The following ACTN2 variants were observed in gnomAD, a reference collection of about 807,000 sequenced individuals.
ACTN2 encodes the protein actinin alpha 2.
In ACTN2, 39 loss-of-function variants were observed where a neutral mutation model predicts 113.8. That is an observed-to-expected ratio of 0.34 (90% confidence interval 0.27 to 0.45). ACTN2 has a LOEUF of 0.45. Ranked by LOEUF, ACTN2 falls within the 20% of genes least tolerant of loss-of-function variation. The probability of loss-of-function intolerance (pLI) is 1.00; values close to 1 mark genes in which losing one functional copy is unlikely to be tolerated. For missense variants in ACTN2, 992 were observed against 1,177.9 expected, an observed-to-expected ratio of 0.84 and a Z score of 2.31; for synonymous variants, 429 against 444.1, an observed-to-expected ratio of 0.97 and a Z score of 0.43.
rs758392680 is a variant in ACTN2 at position 236,725,891 on chromosome 1, C to T, written c.449-42C>T. 23 of 1,569,980 alleles carry T rather than the reference C, an allele frequency of 1.5e-5. No individual in the cohort carries two copies. The African/African-American group carries it at 1.5e-4, about 10-fold the overall frequency. Reference sequence around the variant, plus strand: ...GTGACTAGGAGCTAAGTGAACTAAGCGGCATTTCCCTGGGGCCACTTTTTC... The same window carrying T: ...GTGACTAGGAGCTAAGTGAACTAAGTGGCATTTCCCTGGGGCCACTTTTTC... On this transcript the variant is annotated intron_variant, in intron 4 of 20. Coordinates refer to ENST00000366578, the MANE Select transcript of ACTN2 (RefSeq NM_001103.4).
chr1:236,732,585 G>A (rs1658744081), intron 7 of ACTN2, among the ~76,000 whole-genome samples: 1 of 151,988 alleles, frequency 6.6e-6, no homozygotes, highest in Non-Finnish European at 1.5e-5. Flanking sequence ...TGGGATTACA[G>A]GCATGCACCA....
intron 17 of ACTN2, among the ~76,000 whole-genome samples, 155 bp from the exon 18 acceptor site, chr1:236,757,331 A>G (rs943208512): frequency 2.0e-5 from 3 of 152,236 alleles, no homozygotes; most frequent in Admixed American, 2.0e-4. Flanking sequence ...CTTGCAACAG[A>G]TGACAAAGTA....
Position 236,739,307 on chromosome 1 carries a change from G to T in ACTN2, c.882G>T (p.Leu294Phe). The T allele has an allele frequency of 1.2e-6, 2 of 1,613,988 alleles. No individual in the cohort carries two copies. ...EEYERLASEL[L>F]EWIRRTIPWL... ...TTTTTGTGTTTGCGGAGCAGCTTTT[G>T]GAATGGATTCGTCGCACGATCCCCT... Residue 294 changes from leucine (L) to phenylalanine (F), a missense_variant, in exon 10 of 21, where the codon TTG becomes TTT. Leu to Phe is a conservative substitution (Grantham distance 22, BLOSUM62 0). Coordinates refer to ENST00000366578, the MANE Select transcript of ACTN2 (RefSeq NM_001103.4).
intron 1 of ACTN2, among the ~76,000 whole-genome samples, chr1:236,687,402 T>A (rs1328092641): frequency 6.6e-6 from 1 of 152,172 alleles, no homozygotes; most frequent in Admixed American, 6.5e-5. Context: ...AAAAGCTCCC[T>A]CCCCATTTTG....
At chr1:236,708,714 G>C (rs929829643) in intron 1 of ACTN2, among the ~76,000 whole-genome samples, 2 of 152,176 alleles carry the variant, frequency 1.3e-5, no homozygotes, top group Non-Finnish European at 2.9e-5. Flanking sequence ...TTGCTGGCTG[G>C]GGGGATTGAG....
intron 10 of ACTN2, among the ~76,000 whole-genome samples, chr1:236,741,747 T>A (rs562159828): frequency 1.3e-5 from 2 of 152,238 alleles, no homozygotes; most frequent in African/African-American, 4.8e-5. Flanking sequence ...GTTCTTCTTT[T>A]TCTTTTGCCC....
intron 1 of ACTN2, among the ~76,000 whole-genome samples, chr1:236,704,480 C>G (rs925533138): frequency 2.0e-5 from 3 of 152,142 alleles, no homozygotes; most frequent in Non-Finnish European, 2.9e-5. Flanking sequence ...AGACTGCCCC[C>G]CTTCAGACAC....
intron 10 of ACTN2, among the ~76,000 whole-genome samples, chr1:236,741,949 A>G (rs953714541): frequency 6.6e-6 from 1 of 151,998 alleles, no homozygotes; most frequent in Non-Finnish European, 1.5e-5. Context: ...GAGGCACTCC[A>G]CCGCTGCCAC....
intron 6 of ACTN2, among the ~76,000 whole-genome samples, chr1:236,728,757 G>A (rs899551876): frequency 6.6e-6 from 1 of 152,020 alleles, no homozygotes; most frequent in African/African-American, 2.4e-5. Context: ...GGCCGGATGT[G>A]GTGGCTCACA....
At chr1:236,703,031 T>A (rs1657722176) in intron 1 of ACTN2, among the ~76,000 whole-genome samples, 1 of 152,176 alleles carries the variant, frequency 6.6e-6, no homozygotes, top group Admixed American at 6.5e-5. Context: ...AGGAGAATCA[T>A]CAGTGTGCTT....
chr1:236,712,522 A>G (rs1314487397), intron 1 of ACTN2, among the ~76,000 whole-genome samples: 2 of 152,202 alleles, frequency 1.3e-5, no homozygotes, highest in East Asian at 1.9e-4. Context: ...CCTTCATTGT[A>G]TATATATCTA....
chr1:236,691,713 A>G (rs1032938893), intron 1 of ACTN2, among the ~76,000 whole-genome samples: 2 of 152,206 alleles, frequency 1.3e-5, no homozygotes, highest in African/African-American at 4.8e-5. Flanking sequence ...GCCCTTTTAC[A>G]TCCCTTCACT....
At chr1:236,719,688 A>C (rs1658325658) in intron 3 of ACTN2, among the ~76,000 whole-genome samples, 1 of 151,878 alleles carries the variant, frequency 6.6e-6, no homozygotes, top group South Asian at 2.1e-4. Context: ...AGTCCCAGCT[A>C]CTCAGGAGGT....
intron 1 of ACTN2, among the ~76,000 whole-genome samples, chr1:236,690,234 C>T (rs900619025): frequency 3.9e-5 from 6 of 152,146 alleles, no homozygotes; most frequent in Admixed American, 2.6e-4. Flanking sequence ...CCACAGGGTT[C>T]GGATTAAATA....
At chr1:236,721,629 A>G (rs1377904631) in intron 4 of ACTN2, among the ~76,000 whole-genome samples, 3 of 152,222 alleles carry the variant, frequency 2.0e-5, no homozygotes, top group Non-Finnish European at 2.9e-5. Flanking sequence ...AAGAAACAAG[A>G]GGCTTCCTAA....
In ACTN2 at chr1:236,743,016, G is replaced by T. The variant is rs1258500915; in HGVS notation, c.1228G>T (p.Ala410Ser). The change falls in exon 11 of 21, where the codon GCC becomes TCC. Residue 410 changes from alanine (A) to serine (S), a missense_variant. Ala to Ser is a moderately conservative substitution (Grantham distance 99, BLOSUM62 1). Transcript: ENST00000366578. Reference sequence around the variant, plus strand: ...CCTGGCTGAGAAGTTCAGGCAGAAGGCCTCAACGCACGAGACTTGGGCTTA... The same window carrying T: ...CCTGGCTGAGAAGTTCAGGCAGAAGTCCTCAACGCACGAGACTTGGGCTTA... ...EHLAEKFRQK[A>S]STHETWAYGK... is the part of the protein sequence containing the mutation. 1.9e-6 allele frequency: 3 copies of T among 1,614,058 alleles called. No homozygotes were observed. In the Admixed American group the frequency reaches 5.0e-5, roughly 27 times the overall value.
chr1:236,736,245 G>T (rs946829050), intron 8 of ACTN2, among the ~76,000 whole-genome samples: 2 of 152,234 alleles, frequency 1.3e-5, no homozygotes, highest in African/African-American at 4.8e-5. Flanking sequence ...GAGGAAGAAT[G>T]GCCCTCAGCT....
At position 236,719,800 on chromosome 1, in the gene ACTN2, A is replaced by G. The variant is rs368551211; in HGVS notation, c.362-305A>G. Among the ~76,000 whole-genome samples the G allele has an allele frequency of 2.4e-4, 36 of 149,346 alleles. No individual in the cohort carries two copies. In the East Asian group the frequency reaches 6.6e-3, roughly 27 times the overall value. ...GGCGACAGAGTGAGACTCCATCTCA[A>G]AAAAAAAAAAAAACCTTAGCTATTA... On this transcript the variant is annotated intron_variant, in intron 3 of 20. Transcript: ENST00000366578.
intron 1 of ACTN2, among the ~76,000 whole-genome samples, chr1:236,716,507 A>G (rs1572111117): frequency 6.6e-6 from 1 of 152,184 alleles, no homozygotes. Context: ...CACTTAATAT[A>G]TGGTCCATTT....
Sources: allele counts gnomAD v4.1 joint callset (sites outside exome capture counted in the v4.1 genomes callset), GRCh38; gene constraint gnomAD v4.1.1; transcripts MANE v1.5; gene names NCBI Gene and HGNC (gene_info 2026-07-23, HGNC 2026-07-21).